ZFPM1: variants seen among roughly 807,000 people sequenced by gnomAD.
The protein encoded by ZFPM1 is zinc finger protein ZFPM1.
A neutral mutation model predicts 46.3 loss-of-function variants in ZFPM1; 28 were observed. The observed-to-expected ratio is 0.60, with a 90% CI of 0.45 to 0.83. ZFPM1 has a LOEUF of 0.83. Among genes scored for constraint, ZFPM1 ranks in the 40% least tolerant of loss-of-function variants. The pLI is 0.00. For missense variants in ZFPM1, 1,878 were observed against 1,432.4 expected (o/e 1.31, Z -5.02); for synonymous variants, 957 against 675.9 (o/e 1.42, Z -6.45).
intron 1 of ZFPM1, among the ~76,000 whole-genome samples, chr16:88,473,698 C>T (rs1194809656): frequency 2.6e-5 from 4 of 152,130 alleles, no homozygotes; most frequent in Non-Finnish European, 4.4e-5. Flanking sequence ...GGGGGTCGCT[C>T]CCCAGCCCAG....
intron 1 of ZFPM1, among the ~76,000 whole-genome samples, chr16:88,459,843 T>C (rs1907737598): frequency 7.1e-6 from 1 of 139,992 alleles, no homozygotes; most frequent in Non-Finnish European, 1.5e-5. Flanking sequence ...GTGAGATCTG[T>C]GGTTTCCAGC....
At chr16:88,455,776 T>C (rs1300076876) in intron 1 of ZFPM1, among the ~76,000 whole-genome samples, 1 of 152,110 alleles carries the variant, frequency 6.6e-6, no homozygotes, top group Non-Finnish European at 1.5e-5. Context: ...ACTTCAAACG[T>C]GGGAGCGGGG....
intron 1 of ZFPM1, among the ~76,000 whole-genome samples, chr16:88,466,018 C>T (rs1163096393): frequency 2.0e-5 from 3 of 152,198 alleles, no homozygotes; most frequent in Admixed American, 6.5e-5. Flanking sequence ...GGCAGTGGCC[C>T]GGCCGCTCCC....
At chr16:88,507,413 AT>A (rs1910722360) in intron 3 of ZFPM1, among the ~76,000 whole-genome samples, 1 of 152,000 alleles carries the variant, frequency 6.6e-6, no homozygotes, top group Admixed American at 6.5e-5. Flanking sequence ...GGGTCCCTTT[AT>A]GTTTCTTGAC....
Position 88,516,115 on chromosome 16 carries a change from G to C in ZFPM1, c.402+1595G>C, listed in dbSNP as rs765122587. 2.3e-5 allele frequency: 9 copies of C among 398,432 alleles called. No individual in the cohort carries two copies. In the South Asian group the frequency reaches 8.9e-4, roughly 40 times the overall value. The allele number at this position is 398,432 out of a possible 1,614,324, so 24.7% of individuals were successfully genotyped here. A position where few individuals can be genotyped will look rare whatever the true frequency, so the allele number is the denominator to read the frequency against. On this transcript the variant is annotated intron_variant, in intron 4 of 9. Coordinates refer to ENST00000319555, the MANE Select transcript of ZFPM1 (RefSeq NM_153813.3). ...GGTCCTGCCACTCCATTTTACAGAT[G>C]AGAAAACTGAGGCTCCAAGATGTTA...
intron 1 of ZFPM1, among the ~76,000 whole-genome samples, chr16:88,476,231 C>T (rs1466457231): frequency 6.6e-6 from 1 of 152,164 alleles, no homozygotes; most frequent in East Asian, 1.9e-4. Context: ...GCCTCCATCC[C>T]TCTGCACAGC....
At chr16:88,473,852 C>G (rs1050285650) in intron 1 of ZFPM1, among the ~76,000 whole-genome samples, 1 of 152,184 alleles carries the variant, frequency 6.6e-6, no homozygotes, top group Non-Finnish European at 1.5e-5. Context: ...TTGCCCGCCA[C>G]GGCCCCACGC....
chr16:88,527,876 A>C (rs1174764237), intron 5 of ZFPM1, among the ~76,000 whole-genome samples, 156 bp from the exon 6 acceptor site: 3 of 150,890 alleles, frequency 2.0e-5, no homozygotes, highest in African/African-American at 4.9e-5. Flanking sequence ...GGGACCACCC[A>C]GCCTTGCCCC....
At chr16:88,479,880 C>T (rs1908855280) in intron 1 of ZFPM1, among the ~76,000 whole-genome samples, 3 of 138,604 alleles carry the variant, frequency 2.2e-5, no homozygotes, top group Admixed American at 7.4e-5. Context: ...CCCCGCAGTA[C>T]TTCCTCCCCC....
intron 3 of ZFPM1, among the ~76,000 whole-genome samples, chr16:88,491,008 G>A (rs1567536405): frequency 6.6e-6 from 1 of 151,672 alleles, no homozygotes; most frequent in Non-Finnish European, 1.5e-5. Context: ...GACAGGCGCT[G>A]GTGCCTTCGG....
chr16:88,504,557 C>A (rs979412111), intron 3 of ZFPM1, among the ~76,000 whole-genome samples: 3 of 152,118 alleles, frequency 2.0e-5, no homozygotes, highest in Admixed American at 6.5e-5. Context: ...GGCGAGGTGC[C>A]GCAGAGTGGC....
chr16:88,468,716 A>T (rs1214049840), intron 1 of ZFPM1, among the ~76,000 whole-genome samples: 1 of 141,550 alleles, frequency 7.1e-6, no homozygotes, highest in Non-Finnish European at 1.5e-5. Flanking sequence ...TGGCCAGGGC[A>T]CCACTGTCCT....
chr16:88,526,911 G>T lies in ZFPM1; in HGVS notation c.500G>T (p.Arg167Met). 1 of 1,572,562 alleles carries T rather than the reference G, an allele frequency of 6.4e-7. No individual in the cohort carries two copies. The highest frequency in any genetic ancestry group is 2.3e-5 in the East Asian group (1 of 42,642). Residue 167 changes from arginine (R) to methionine (M), a missense_variant, in exon 5 of 10, where the codon AGG becomes ATG. Arg to Met is a moderately conservative substitution (Grantham distance 91). Transcript: ENST00000319555. ...TEAEANTEIH[R>M]KDDALWCRVT... ...GCCGAGGCCAACACAGAGATCCACA[G>T]GAAGGGTCAGTATGACGCGGCACCT...
At chr16:88,531,825 G>T (rs1369706231) in intron 6 of ZFPM1, among the ~76,000 whole-genome samples, 177 bp from the exon 7 acceptor site, 3 of 152,178 alleles carry the variant, frequency 2.0e-5, no homozygotes, top group African/African-American at 7.2e-5. Flanking sequence ...GGAAGGGAGT[G>T]GGGCTGTCAC....
At chr16:88,496,146 G>T (rs1260638102) in intron 3 of ZFPM1, among the ~76,000 whole-genome samples, 1 of 152,180 alleles carries the variant, frequency 6.6e-6, no homozygotes, top group Non-Finnish European at 1.5e-5. Context: ...CTGCCCTTGG[G>T]TGTCAGGGAG....
intron 6 of ZFPM1, 54 bp downstream of exon 6, chr16:88,528,292 G>C: frequency 6.6e-7 from 1 of 1,517,098 alleles, no homozygotes; most frequent in Non-Finnish European, 8.9e-7. Context: ...GGAGGAGCAG[G>C]CAGGGCAGGA....
rs147577156 is a variant in ZFPM1 at position 88,494,689 on chromosome 16, G to A, written c.268+5536G>A. Among the ~76,000 whole-genome samples, 320 of 152,268 alleles carry A rather than the reference G, an allele frequency of 2.1e-3. 5 individuals are homozygous for A. Among genetic ancestry groups the A allele is most frequent in the Admixed American group, 4.0e-3 (61 of 15,302 alleles). On this transcript the variant is annotated intron_variant, in intron 3 of 9. Coordinates refer to ENST00000319555, the MANE Select transcript of ZFPM1 (RefSeq NM_153813.3). Reference sequence around the variant, plus strand: ...AGGCCGCAGGGCCTGAGTGGGGGGCGAGGCGGGCGTGGACAGGCAGGAGTG... The same window carrying A: ...AGGCCGCAGGGCCTGAGTGGGGGGCAAGGCGGGCGTGGACAGGCAGGAGTG...
At position 88,531,985 on chromosome 16, in the gene ZFPM1, T is replaced by C. The variant is rs948513561; in HGVS notation, c.713-17T>C. Reference sequence around the variant, plus strand: ...GGCTGGCCTTCAGCCTGACCCCGCCTGCTTCCCACCCCACAGAAGACGTCT... The same window carrying C: ...GGCTGGCCTTCAGCCTGACCCCGCCCGCTTCCCACCCCACAGAAGACGTCT... On this transcript the variant is annotated splice_polypyrimidine_tract_variant and intron_variant, in intron 6 of 9. Transcript: ENST00000319555. The C allele has an allele frequency of 9.5e-6, 15 of 1,582,430 alleles. No homozygotes were observed. Among genetic ancestry groups the C allele is most frequent in the Non-Finnish European group, 1.3e-5 (15 of 1,160,316 alleles).
At chr16:88,494,594 C>G (rs1909827020) in intron 3 of ZFPM1, among the ~76,000 whole-genome samples, 1 of 152,128 alleles carries the variant, frequency 6.6e-6, no homozygotes, top group African/African-American at 2.4e-5. Context: ...CCGCGGGCCT[C>G]CAGGGTGAGT....
Sources: allele counts gnomAD v4.1 joint callset (sites outside exome capture counted in the v4.1 genomes callset), GRCh38; gene constraint gnomAD v4.1.1; transcripts MANE v1.5; gene names NCBI Gene and HGNC (gene_info 2026-07-23, HGNC 2026-07-21).